The following CA4 variants were observed in gnomAD, a reference collection of about 807,000 sequenced individuals.
CA4 encodes carbonic anhydrase 4.
In CA4, 24 loss-of-function variants were observed where a neutral mutation model predicts 34.5. The observed-to-expected ratio is 0.70, with a 90% CI of 0.50 to 0.98. The LOEUF is 0.98. CA4 is among the 50% of genes least tolerant of loss of function. The pLI, the probability that CA4 is intolerant of heterozygous loss-of-function variation, is 0.00. For synonymous variants in CA4, 178 were observed against 170.6 expected (o/e 1.04, Z -0.34); for missense variants, 394 against 396.7 (o/e 0.99, Z 0.06).
At chr17:60,152,835 G>C (rs2083615787) in intron 1 of CA4, among the ~76,000 whole-genome samples, 1 of 152,224 alleles carries the variant, frequency 6.6e-6, no homozygotes, top group Admixed American at 6.5e-5. Flanking sequence ...AGAGGCGTTT[G>C]AACCAGAGTG....
chr17:60,176,447 C>G, the CA4 span, among the ~76,000 whole-genome samples: 1 of 151,846 alleles, frequency 6.6e-6, no homozygotes, highest in Non-Finnish European at 1.5e-5. Context: ...TTGGATCTCC[C>G]AGACAGACGA....
chr17:60,160,051 G>T (rs1242777491), downstream of CA4, among the ~76,000 whole-genome samples: 1 of 152,146 alleles, frequency 6.6e-6, no homozygotes, highest in Non-Finnish European at 1.5e-5. Context: ...GAGGCAGGAG[G>T]ATTGCTTGAA....
intron 1 of CA4, among the ~76,000 whole-genome samples, chr17:60,150,670 A>AAAAAAAAG (rs1159449754): frequency 6.9e-6 from 1 of 143,912 alleles, no homozygotes; most frequent in African/African-American, 2.6e-5. Context: ...AAAAAAAAAA[A>AAAAAAAAG]AAAAAAAAAA....
At chr17:60,152,251 G>A (rs2083605541) in intron 1 of CA4, among the ~76,000 whole-genome samples, 2 of 151,862 alleles carry the variant, frequency 1.3e-5, no homozygotes, top group Non-Finnish European at 2.9e-5. Flanking sequence ...GTACTTACCT[G>A]CAAGGGTGGC....
chr17:60,151,793 T>G, intron 1 of CA4, among the ~76,000 whole-genome samples: 1 of 152,008 alleles, frequency 6.6e-6, no homozygotes, highest in East Asian at 1.9e-4. Context: ...CCATTCATCT[T>G]ATGGAGGACT....
downstream of CA4, among the ~76,000 whole-genome samples, chr17:60,172,853 A>AT (rs1225338365): frequency 6.6e-6 from 1 of 151,128 alleles, no homozygotes; most frequent in Non-Finnish European, 1.5e-5. Flanking sequence ...TCAAAAAAAA[A>AT]CTAAAATAGG....
rs745408279 is a variant in CA4, at chr17:60,156,687, G to A, written c.240G>A (p.Thr80=). ...FFFSGYDKKQ[T]WTVQNNGHSV... is the part of the protein sequence containing the mutation. ...TCTCTGGCTACGATAAGAAGCAAAC[G>A]TGGACTGTCCAAAATAACGGGCACT... Residue 80 remains threonine (T), a synonymous_variant, in exon 3 of 8, where the codon ACG becomes ACA. Transcript: ENST00000300900. The A allele has an allele frequency of 1.9e-5, 30 of 1,614,048 alleles. No individual in the cohort carries two copies. Among genetic ancestry groups the A allele is most frequent in the Middle Eastern group, 3.3e-4 (2 of 6,084 alleles).
chr17:60,173,574 T>C (rs2083931799), downstream of CA4, among the ~76,000 whole-genome samples: 3 of 152,250 alleles, frequency 2.0e-5, no homozygotes, highest in Non-Finnish European at 4.4e-5. Flanking sequence ...GGCAATTATG[T>C]CTACAGAGCT....
At chr17:60,158,737 A>G (rs2083742632) in intron 7 of CA4, 2 of 511,230 alleles carry the variant, frequency 3.9e-6, no homozygotes, top group Admixed American at 6.4e-5. Flanking sequence ...CAAAGGACCC[A>G]AATCCCTACC....
downstream of CA4, among the ~76,000 whole-genome samples, chr17:60,175,169 T>C (rs2083946273): frequency 7.2e-6 from 1 of 138,364 alleles, no homozygotes; most frequent in Admixed American, 7.1e-5. Flanking sequence ...ACTACAGGCA[T>C]GGGCCACCAC....
Position 60,157,773 on chromosome 17 carries a change from G to C in CA4, c.498G>C (p.Leu166=), listed in dbSNP as rs778396729. ...ACCCTGAAGACGAAATTGCGGTGCT[G>C]GCCTTTCTGGTGGAGGTGGGACTCC... ...AQDPEDEIAV[L]AFLVEAGTQV... Residue 166 remains leucine, a synonymous_variant, in exon 5 of 8, where the codon CTG becomes CTC. Coordinates refer to ENST00000300900, the MANE Select transcript of CA4 (RefSeq NM_000717.5). 2 of 1,613,502 alleles carry C rather than the reference G, an allele frequency of 1.2e-6. No individual in the cohort carries two copies. Among genetic ancestry groups the C allele is most frequent in the Admixed American group, 3.3e-5 (2 of 60,024 alleles).
chr17:60,176,307 G>C, the CA4 span, among the ~76,000 whole-genome samples: 1 of 152,252 alleles, frequency 6.6e-6, no homozygotes, highest in African/African-American at 2.4e-5. Context: ...CCAGGCATTT[G>C]TGTCCTTCAT....
At chr17:60,161,926 G>C (rs889805318), downstream of CA4, among the ~76,000 whole-genome samples, 3 of 152,024 alleles carry the variant, frequency 2.0e-5, no homozygotes, top group Admixed American at 1.3e-4. Context: ...CTCCCCAATG[G>C]CACTGCATCC....
chr17:60,155,445 G>A, intron 2 of CA4, 78 bp downstream of exon 2: 1 of 1,184,996 alleles, frequency 8.4e-7, no homozygotes, highest in Non-Finnish European at 1.2e-6. Flanking sequence ...CCCCGGAAGA[G>A]TGGGAAGGGG....
chr17:60,164,686 C>T (rs1038112393), intron 5 of CA4, among the ~76,000 whole-genome samples: 3 of 152,254 alleles, frequency 2.0e-5, no homozygotes, highest in South Asian at 2.1e-4. Flanking sequence ...CCACCATGCC[C>T]GGCCTTAATC....
At chr17:60,161,930 T>C (rs345184), downstream of CA4, among the ~76,000 whole-genome samples, 35,428 of 151,678 alleles carry the variant, frequency 0.23, 10,012 homozygotes, top group African/African-American at 0.68. Flanking sequence ...CCAATGGCAC[T>C]GCATCCCCAC....
At chr17:60,164,194 CTT>C (rs2083828977), downstream of CA4, among the ~76,000 whole-genome samples, 1 of 103,630 alleles carries the variant, frequency 9.6e-6, no homozygotes, top group Non-Finnish European at 1.8e-5. Context: ...TTCTCTTTTT[CTT>C]TCTTTCTTTC....
downstream of CA4, among the ~76,000 whole-genome samples, chr17:60,171,717 G>T (rs768436578): frequency 1.3e-5 from 2 of 152,158 alleles, no homozygotes; most frequent in African/African-American, 4.8e-5. Context: ...CACTTCAACC[G>T]GAGTAACTCC....
At chr17:60,153,791 G>C (rs1158033278) in intron 1 of CA4, among the ~76,000 whole-genome samples, 1 of 152,244 alleles carries the variant, frequency 6.6e-6, no homozygotes, top group Non-Finnish European at 1.5e-5. Context: ...ACCCACATGG[G>C]GGTGGTTCAG....
Sources: allele counts gnomAD v4.1 joint callset (sites outside exome capture counted in the v4.1 genomes callset), GRCh38; gene constraint gnomAD v4.1.1; transcripts MANE v1.5; gene names NCBI Gene and HGNC (gene_info 2026-07-23, HGNC 2026-07-21).